The following TOP2B variants were observed in gnomAD, a reference collection of about 807,000 sequenced individuals.
TOP2B encodes the protein DNA topoisomerase 2-beta.
A neutral mutation model predicts 193.5 loss-of-function variants in TOP2B; 51 were observed. The ratio of observed to expected loss-of-function variants is 0.26; its 90% CI spans 0.21 to 0.33. The LOEUF (loss-of-function observed/expected upper bound fraction) is 0.33. Ranked by LOEUF, TOP2B falls within the 10% of genes least tolerant of loss-of-function variation. The pLI, the probability that TOP2B is intolerant of heterozygous loss-of-function variation, is 1.00. For missense variants in TOP2B, 1,378 were observed against 1,909.3 expected, an observed-to-expected ratio of 0.72 and a Z score of 5.19; for synonymous variants, 634 against 635.7, an observed-to-expected ratio of 1.00 and a Z score of 0.04.
chr3:25,624,983 A>C (rs1420589052), intron 18 of TOP2B, 180 bp from the exon 19 acceptor site: 1 of 575,192 alleles, frequency 1.7e-6, no homozygotes, highest in Non-Finnish European at 3.0e-6. Flanking sequence ...TTTCCTAGAA[A>C]GCCATCTGCA....
chr3:25,617,409 T>C (rs1702531992), intron 25 of TOP2B, among the ~76,000 whole-genome samples: 1 of 152,148 alleles, frequency 6.6e-6, no homozygotes. Context: ...AAGCCTATTA[T>C]CTTAATATGT....
intron 16 of TOP2B, 55 bp from the exon 17 acceptor site, chr3:25,626,919 C>A: frequency 9.0e-7 from 1 of 1,114,894 alleles, no homozygotes; most frequent in Non-Finnish European, 1.3e-6. Context: ...AATTTTATTA[C>A]AAAATTAAAA....
chr3:25,629,946 C>T (rs781389591), intron 13 of TOP2B, 83 bp downstream of exon 13: 129 of 1,377,898 alleles, frequency 9.4e-5, no homozygotes, highest in South Asian at 1.9e-4. Context: ...ATACCATCTT[C>T]GGGCAAGTCT....
At chr3:25,637,801 TTTTCAA>T (rs1421688111) in intron 5 of TOP2B, among the ~76,000 whole-genome samples, 2 of 152,020 alleles carry the variant, frequency 1.3e-5, no homozygotes, top group Non-Finnish European at 2.9e-5. Context: ...AGAGTCTAGA[TTTTCAA>T]TCCTGACCTT....
intron 23 of TOP2B, 143 bp from the exon 24 acceptor site, chr3:25,618,992 A>C: frequency 1.8e-6 from 1 of 545,740 alleles, no homozygotes; most frequent in Non-Finnish European, 3.0e-6. Context: ...AAAACCATTA[A>C]ACAGAACTAA....
rs549266822 is a variant in TOP2B at position 25,631,196 on chromosome 3, G to A, written c.1267-257C>T. ...CATTCTATTATAATAAACTCCATGAGGAATATGCATTGCTCTTGTTACAAA... is the reference window on the plus strand; with the variant it reads ...CATTCTATTATAATAAACTCCATGAAGAATATGCATTGCTCTTGTTACAAA... On this transcript the variant is annotated intron_variant, in intron 10 of 35. Transcript: ENST00000264331. Among the ~76,000 whole-genome samples the A allele has an allele frequency of 3.3e-5, 5 of 152,020 alleles. No individual in the cohort carries two copies. In the East Asian group the frequency reaches 7.7e-4, roughly 23 times the overall value.
intron 1 of TOP2B, among the ~76,000 whole-genome samples, chr3:25,661,378 A>G (rs1468302961): frequency 2.0e-5 from 3 of 152,210 alleles, no homozygotes; most frequent in Non-Finnish European, 2.9e-5. Context: ...TGAGATGCTT[A>G]ACATTTTCCA....
chr3:25,635,790 C>T (rs892466953), intron 7 of TOP2B, 146 bp downstream of exon 7: 11 of 613,740 alleles, frequency 1.8e-5, no homozygotes, highest in African/African-American at 1.7e-4. Context: ...GAAATAATGG[C>T]CAAATGTATC....
At chr3:25,644,147 A>C (rs1299593368) in intron 2 of TOP2B, among the ~76,000 whole-genome samples, 1 of 151,998 alleles carries the variant, frequency 6.6e-6, no homozygotes, top group African/African-American at 2.4e-5. Context: ...AATAATACGA[A>C]CAAAGCAAGA....
Position 25,616,598 on chromosome 3 carries a change from T to C in TOP2B, c.3352-1012A>G, listed in dbSNP as rs1329372582. Among the ~76,000 whole-genome samples, 6 of 152,112 alleles carry C rather than the reference T, an allele frequency of 3.9e-5. No individual in the cohort carries two copies. The East Asian group carries it at 1.2e-3, about 29-fold the overall frequency. On this transcript the variant is annotated intron_variant, in intron 25 of 35. Coordinates refer to ENST00000264331, the MANE Select transcript of TOP2B (RefSeq NM_001330700.2). ...TTAGCCAAATACGGAATGCTATTGT[T>C]GAGTTGATAGATGATTAATAAGTAC... is the stretch of plus-strand genomic sequence containing the variant.
intron 2 of TOP2B, among the ~76,000 whole-genome samples, 200 bp from the exon 3 acceptor site, chr3:25,643,984 C>G (rs1343291707): frequency 4.6e-5 from 7 of 151,828 alleles, no homozygotes; most frequent in Admixed American, 4.6e-4. Flanking sequence ...CATTTTGTAT[C>G]AAGTTTGTAT....
At chr3:25,653,371 A>C (rs953743693) in intron 1 of TOP2B, among the ~76,000 whole-genome samples, 19 of 152,182 alleles carry the variant, frequency 1.2e-4, no homozygotes, top group Non-Finnish European at 2.6e-4. Flanking sequence ...AAATCCCCCC[A>C]AAAATACTGG....
At chr3:25,645,186 G>T in intron 2 of TOP2B, 114 bp downstream of exon 2, 1 of 982,592 alleles carries the variant, frequency 1.0e-6, no homozygotes, top group South Asian at 1.9e-5. Flanking sequence ...CTTTGACTAT[G>T]ACAGATGAAA....
chr3:25,630,959 G>A lies in TOP2B; in HGVS notation c.1267-20C>T. ...AGAGGCCTAAAAATAAAAGAATAAT[G>A]GTATACAAACAAGCTGAAAATTCAT... On this transcript the variant is annotated intron_variant, in intron 10 of 35. Transcript: ENST00000264331. 2 of 1,562,642 alleles carry A rather than the reference G, an allele frequency of 1.3e-6. No homozygotes were observed. Among genetic ancestry groups the A allele is most frequent in the South Asian group, 1.2e-5 (1 of 82,588 alleles).
Position 25,604,745 on chromosome 3 carries a change from A to T in TOP2B, c.4489+15T>A. On this transcript the variant is annotated intron_variant, in intron 33 of 35. Transcript: ENST00000264331. ...CTCTATCCAATGCTTAACTCAATCA[A>T]ATATAAGTACATACCCTTTTTAGCA... The T allele has an allele frequency of 6.3e-7, 1 of 1,575,446 alleles. No homozygotes were observed. Among genetic ancestry groups the T allele is most frequent in the South Asian group, 1.1e-5 (1 of 89,514 alleles).
At chr3:25,639,096 G>GTTAACTACATTAAGTTAATATAGACA (rs1201715274) in intron 4 of TOP2B, among the ~76,000 whole-genome samples, 7 of 152,042 alleles carry the variant, frequency 4.6e-5, no homozygotes, top group Admixed American at 4.6e-4. Flanking sequence ...AAGTTAATAA[G>GTTAACTACATTAAGTTAATATAGACA]GAAGGCTGTC....
intron 1 of TOP2B, among the ~76,000 whole-genome samples, chr3:25,647,963 G>C (rs998224451): frequency 1.3e-5 from 2 of 152,182 alleles, no homozygotes; most frequent in Non-Finnish European, 1.5e-5. Flanking sequence ...CCCCAGGTGA[G>C]CATAAAATAG....
chr3:25,618,388 C>G, intron 25 of TOP2B, 30 bp downstream of exon 25: 1 of 1,549,040 alleles, frequency 6.5e-7, no homozygotes, highest in Non-Finnish European at 8.9e-7. Context: ...TTAAAAGCTT[C>G]TCTGAATGTC....
rs1033031644 is a variant in TOP2B at position 25,660,141 on chromosome 3, T to C, written c.69+4088A>G. 3.3e-5 allele frequency among the ~76,000 whole-genome samples: 5 copies of C among 152,314 alleles called. No individual in the cohort carries two copies. In the East Asian group the frequency reaches 9.6e-4, roughly 29 times the overall value. The stretch of plus-strand genomic sequence containing the variant: ...AAATTAAGTTTATTAAAAACGTGCC[T>C]AAATACTGCTATATCATGTACTTGA... On this transcript the variant is annotated intron_variant, in intron 1 of 35. Coordinates refer to ENST00000264331, the MANE Select transcript of TOP2B (RefSeq NM_001330700.2).
Sources: gnomAD v4.1 joint callset for allele counts (sites outside exome capture counted in the v4.1 genomes callset) on GRCh38, gnomAD v4.1.1 for gene constraint, MANE v1.5 for transcripts, NCBI Gene and HGNC (gene_info 2026-07-23, HGNC 2026-07-21) for gene names.